Variants in OIT3 observed in about 807,000 individuals in gnomAD.
OIT3 encodes oncoprotein-induced transcript 3 protein.
In OIT3, 41 loss-of-function variants were observed where a neutral mutation model predicts 52.2. The observed-to-expected ratio is 0.79, with a 90% confidence interval of 0.61 to 1.02. The LOEUF (loss-of-function observed/expected upper bound fraction) is 1.02. Among genes scored for constraint, OIT3 ranks in the 50% least tolerant of loss-of-function variants. The pLI is 0.00. For synonymous variants in OIT3, 244 were observed against 276.9 expected, an observed-to-expected ratio of 0.88 and a Z score of 1.18; for missense variants, 634 against 715.5, an observed-to-expected ratio of 0.89 and a Z score of 1.30.
At chr10:72,925,454 G>T (rs1846162306) in intron 7 of OIT3, among the ~76,000 whole-genome samples, 1 of 152,202 alleles carries the variant, frequency 6.6e-6, no homozygotes, top group South Asian at 2.1e-4. Flanking sequence ...TGAAGGTGGA[G>T]GTGAGATCCT....
chr10:72,910,452 G>A lies in OIT3; in HGVS notation c.668-1265G>A, dbSNP rs182616632. 3.0e-3 allele frequency among the ~76,000 whole-genome samples: 454 copies of A among 152,108 alleles called. 3 individuals carry two copies. The highest frequency in any genetic ancestry group is 0.01 in the African/African-American group (421 of 41,510). On this transcript the variant is annotated intron_variant, in intron 4 of 8. Coordinates refer to ENST00000334011, the MANE Select transcript of OIT3 (RefSeq NM_152635.3). ...GGGTAGATCACAAGGTCAGGAGATCGAGACCATCCTGGCTAACACAGTGAA... is the reference window on the plus strand; with the variant it reads ...GGGTAGATCACAAGGTCAGGAGATCAAGACCATCCTGGCTAACACAGTGAA...
chr10:72,899,580 A>G (rs1845909135), intron 2 of OIT3, among the ~76,000 whole-genome samples: 1 of 147,884 alleles, frequency 6.8e-6, no homozygotes. Context: ...TGGGTGACAG[A>G]GTGAGACTCT....
rs887930002 is a variant in OIT3 at position 72,932,811 on chromosome 10, A to C, written c.*287A>C. 2.8e-5 allele frequency: 9 copies of C among 325,410 alleles called. No individual in the cohort carries two copies. Among genetic ancestry groups the C allele is most frequent in the Non-Finnish European group, 4.5e-5 (8 of 178,750 alleles). 20.2% of individuals were successfully genotyped at this position (325,410 alleles called of 1,614,324 possible). A position where few individuals can be genotyped will look rare whatever the true frequency, so the allele number is the denominator to read the frequency against. The stretch of plus-strand genomic sequence containing the variant: ...TCCCTCATTTCTTTCCTACACTTAA[A>C]TACCTCGTGTATGGTGCAATCAGAC... On this transcript the variant is annotated 3_prime_UTR_variant, in exon 9 of 9. Transcript: ENST00000334011.
At chr10:72,893,948 T>A in intron 1 of OIT3, 89 bp downstream of exon 1, 2 of 787,784 alleles carry the variant, frequency 2.5e-6, no homozygotes, top group Non-Finnish European at 4.1e-6. Flanking sequence ...TAGATTCCAG[T>A]ACCTTAAATG....
chr10:72,917,668 G>C lies in OIT3; in HGVS notation c.951+4200G>C. ...GACTTCCTCCACTGCCAGAGATCTTGAATAGCCTCTTGGTCAGTCATCCGG... is the reference window on the plus strand; with the variant it reads ...GACTTCCTCCACTGCCAGAGATCTTCAATAGCCTCTTGGTCAGTCATCCGG... On this transcript the variant is annotated intron_variant, in intron 6 of 8. Transcript: ENST00000334011. 4 of 895,930 alleles carry C rather than the reference G, an allele frequency of 4.5e-6. No homozygotes were observed. The South Asian group carries it at 5.2e-5, about 12-fold the overall frequency. 55.5% of individuals were successfully genotyped at this position (895,930 alleles called of 1,614,324 possible). A position where few individuals can be genotyped will look rare whatever the true frequency, so the allele number is the denominator to read the frequency against.
At chr10:72,924,769 C>A in intron 7 of OIT3, 125 bp downstream of exon 7, 2 of 824,608 alleles carry the variant, frequency 2.4e-6, no homozygotes, top group Non-Finnish European at 3.7e-6. Flanking sequence ...GTTCAGGAAC[C>A]ACTTATTGAC....
At chr10:72,924,955 A>G (rs1422900271) in intron 7 of OIT3, among the ~76,000 whole-genome samples, 2 of 152,006 alleles carry the variant, frequency 1.3e-5, no homozygotes, top group Non-Finnish European at 2.9e-5. Context: ...TACTCAAAAT[A>G]CAAAAATTAG....
chr10:72,924,553 G>A lies in OIT3; in HGVS notation c.1276G>A (p.Val426Met), dbSNP rs186007062. Reference sequence around the variant, plus strand: ...CTTTGGCATTGAGCCCGTGGTGCACGTGAGCGGCTTGGAAAGCTTGGTGGA... The same window carrying A: ...CTTTGGCATTGAGCCCGTGGTGCACATGAGCGGCTTGGAAAGCTTGGTGGA... ...LYFGIEPVVH[V>M]SGLESLVESC... is the part of the protein sequence containing the mutation. Residue 426 changes from valine to methionine, a missense_variant, in exon 7 of 9, where the codon GTG becomes ATG. By Grantham distance (21) the Val-to-Met change is conservative. Transcript: ENST00000334011. The A allele has an allele frequency of 9.9e-5, 160 of 1,614,148 alleles. 1 individual carries two copies. The highest frequency in any genetic ancestry group is 2.5e-4 in the East Asian group (11 of 44,874).
intron 2 of OIT3, 104 bp downstream of exon 2, chr10:72,899,142 A>G (rs1845904276): frequency 3.0e-6 from 3 of 997,720 alleles, no homozygotes; most frequent in African/African-American, 1.6e-5. Context: ...CTATATCTCA[A>G]TCTGAACAAC....
chr10:72,913,623 C>A, intron 6 of OIT3, 155 bp downstream of exon 6: 1 of 722,374 alleles, frequency 1.4e-6, no homozygotes, highest in Non-Finnish European at 2.5e-6. Flanking sequence ...TTTTAACCAA[C>A]GTGTTATTGA....
intron 1 of OIT3, among the ~76,000 whole-genome samples, chr10:72,896,234 G>C (rs1845874259): frequency 6.6e-6 from 1 of 152,162 alleles, no homozygotes; most frequent in African/African-American, 2.4e-5. Flanking sequence ...GCGATTAAAA[G>C]TTAAGTATCT....
chr10:72,920,174 C>T (rs959053395), intron 6 of OIT3, among the ~76,000 whole-genome samples: 1 of 151,974 alleles, frequency 6.6e-6, no homozygotes, highest in Non-Finnish European at 1.5e-5. Context: ...TGTATGTGTC[C>T]AGGAATTTAT....
intron 4 of OIT3, among the ~76,000 whole-genome samples, chr10:72,907,933 A>AT (rs1382529503): frequency 1.3e-5 from 2 of 152,140 alleles, no homozygotes; most frequent in African/African-American, 4.8e-5. Flanking sequence ...ACCCTTGCAA[A>AT]TTATCACAAC....
chr10:72,929,724 A>G (rs1846199568), intron 7 of OIT3, among the ~76,000 whole-genome samples: 1 of 151,954 alleles, frequency 6.6e-6, no homozygotes, highest in South Asian at 2.1e-4. Context: ...TGTATTATTA[A>G]TAGAGACGGG....
intron 4 of OIT3, among the ~76,000 whole-genome samples, chr10:72,909,706 C>G (rs919453512): frequency 6.6e-6 from 1 of 152,120 alleles, no homozygotes; most frequent in Non-Finnish European, 1.5e-5. Context: ...AAGCGATTCT[C>G]CTGCCTCAAC....
chr10:72,930,690 T>C (rs1472180050), intron 8 of OIT3, 53 bp downstream of exon 8: 3 of 1,197,944 alleles, frequency 2.5e-6, no homozygotes, highest in South Asian at 2.6e-5. Context: ...TTTTTTTTTT[T>C]TTTTTTGGTG....
chr10:72,916,863 G>T (rs984993174), intron 6 of OIT3, among the ~76,000 whole-genome samples: 1 of 152,096 alleles, frequency 6.6e-6, no homozygotes, highest in African/African-American at 2.4e-5. Context: ...TTTAATAGTA[G>T]CCATTCTGAC....
chr10:72,910,177 G>A (rs112497871), intron 4 of OIT3, among the ~76,000 whole-genome samples: 2,416 of 152,176 alleles, frequency 0.016, 62 homozygotes, highest in African/African-American at 0.055. Flanking sequence ...TCATTTTACA[G>A]ATATTGAAAT....
At chr10:72,918,450 T>A (rs1846093031) in intron 6 of OIT3, 4 of 868,622 alleles carry the variant, frequency 4.6e-6, no homozygotes, top group Non-Finnish European at 1.9e-6. Context: ...CTTAAAGTGA[T>A]CATCTTTGTC....
Sources: allele counts gnomAD v4.1 joint callset (sites outside exome capture counted in the v4.1 genomes callset), GRCh38; gene constraint gnomAD v4.1.1; transcripts MANE v1.5; gene names NCBI Gene and HGNC (gene_info 2026-07-23, HGNC 2026-07-21).